The following RAP1B variants were observed in gnomAD, a reference collection of about 807,000 sequenced individuals.
The protein encoded by RAP1B is RAP1B, member of RAS oncogene family.
Under a neutral mutation model 27.5 loss-of-function variants are expected in RAP1B, and 1 was observed. The ratio of observed to expected loss-of-function variants is 0.04; its 90% CI spans 0.01 to 0.17. The LOEUF (loss-of-function observed/expected upper bound fraction) is 0.17. Ranked by LOEUF, RAP1B falls within the 10% of genes least tolerant of loss-of-function variation. RAP1B has a pLI of 1.00. For missense variants in RAP1B, 84 were observed against 214.8 expected, an observed-to-expected ratio of 0.39 and a Z score of 3.81; for synonymous variants, 75 against 73.1, an observed-to-expected ratio of 1.03 and a Z score of -0.13.
intron 4 of RAP1B, among the ~76,000 whole-genome samples, chr12:68,653,008 C>A (rs1429041199): frequency 2.0e-5 from 3 of 152,022 alleles, no homozygotes; most frequent in Admixed American, 6.6e-5. Flanking sequence ...GTCAGGAGTT[C>A]AAGACCAGCC....
chr12:68,613,112 T>C (rs565450318), intron 1 of RAP1B, among the ~76,000 whole-genome samples: 3 of 152,094 alleles, frequency 2.0e-5, no homozygotes, highest in Non-Finnish European at 2.9e-5. Flanking sequence ...CCCAGCACTT[T>C]GGGAGGCCGA....
chr12:68,651,756 G>GGAAAC, intron 3 of RAP1B: 1 of 459,948 alleles, frequency 2.2e-6, no homozygotes, highest in East Asian at 3.2e-5. Context: ...GGTTCGTGTA[G>GGAAAC]GTTTCCCTGT....
chr12:68,653,887 C>T (rs1043505704), intron 4 of RAP1B, among the ~76,000 whole-genome samples: 7 of 151,562 alleles, frequency 4.6e-5, no homozygotes, highest in Non-Finnish European at 8.8e-5. Context: ...GCCGAGGTCG[C>T]GCCACTGCAC....
rs965135118 is a variant in RAP1B at position 68,611,342 on chromosome 12, G to A, written c.-27+299G>A. Among the ~76,000 whole-genome samples the A allele has an allele frequency of 1.4e-3, 202 of 148,760 alleles. 3 individuals carry two copies. Among genetic ancestry groups the A allele is most frequent in the Non-Finnish European group, 3.4e-4 (23 of 66,780 alleles). ...AATATGGCGGAGGAAGTGAGAGCCC[G>A]AGGACCCCCCCACCCGCCCGCTCTC... On this transcript the variant is annotated intron_variant, in intron 1 of 7. Transcript: ENST00000250559.
chr12:68,624,022 G>A (rs61925014), intron 1 of RAP1B, among the ~76,000 whole-genome samples: 8 of 147,298 alleles, frequency 5.4e-5, no homozygotes, highest in Admixed American at 2.0e-4. Context: ...CTCTATCTCA[G>A]GGAAAAAAAA....
chr12:68,637,599 C>CAAAAAAAAAAAA (rs58656248), intron 1 of RAP1B, among the ~76,000 whole-genome samples: 21 of 34,256 alleles, frequency 6.1e-4, no homozygotes, highest in African/African-American at 1.0e-3. Flanking sequence ...AACTCCATCT[C>CAAAAAAAAAAAA]AAAAAAAAAA....
intron 3 of RAP1B, among the ~76,000 whole-genome samples, chr12:68,651,086 C>G (rs1372505979): frequency 6.6e-6 from 1 of 152,156 alleles, no homozygotes; most frequent in East Asian, 1.9e-4. Context: ...TTGACTGTGA[C>G]TGGTCACATG....
intron 1 of RAP1B, among the ~76,000 whole-genome samples, chr12:68,647,748 G>A (rs1873532838): frequency 6.6e-6 from 1 of 152,068 alleles, no homozygotes; most frequent in Non-Finnish European, 1.5e-5. Context: ...TTTGGGATGT[G>A]TCTGTTTAAC....
chr12:68,637,544 C>T (rs1055927729), intron 1 of RAP1B, among the ~76,000 whole-genome samples: 1 of 124,300 alleles, frequency 8.0e-6, no homozygotes, highest in Non-Finnish European at 1.6e-5. Flanking sequence ...TTGCAGTGAG[C>T]TGAGATCACA....
At chr12:68,636,208 G>C (rs1270803319) in intron 1 of RAP1B, among the ~76,000 whole-genome samples, 2 of 152,112 alleles carry the variant, frequency 1.3e-5, no homozygotes, top group Non-Finnish European at 2.9e-5. Context: ...TATTTTAAGG[G>C]ACAGAAATTA....
chr12:68,636,718 C>G (rs1872653709), intron 1 of RAP1B, among the ~76,000 whole-genome samples: 1 of 145,234 alleles, frequency 6.9e-6, no homozygotes, highest in South Asian at 2.5e-4. Context: ...CCATGCCTAT[C>G]CCTGCTGTTT....
intron 1 of RAP1B, among the ~76,000 whole-genome samples, chr12:68,643,856 C>T (rs543091610): frequency 2.0e-4 from 31 of 152,000 alleles, no homozygotes; most frequent in African/African-American, 7.2e-4. Context: ...TATTTATTAA[C>T]AATAGAACTG....
chr12:68,652,498 T>C (rs1873886023), intron 4 of RAP1B, among the ~76,000 whole-genome samples: 1 of 152,112 alleles, frequency 6.6e-6, no homozygotes. Flanking sequence ...TTAAATCTTT[T>C]TGTTGTTGTT....
At chr12:68,614,605 C>T (rs949293603) in intron 1 of RAP1B, among the ~76,000 whole-genome samples, 1 of 148,340 alleles carries the variant, frequency 6.7e-6, no homozygotes, top group African/African-American at 2.4e-5. Flanking sequence ...TTTTCTTCCC[C>T]CTCCTGTCAT....
Position 68,667,793 on chromosome 12 carries a change from G to C in RAP1B, c.*8544G>C, listed in dbSNP as rs1229327750. The C allele has an allele frequency of 6.6e-6, 1 of 152,138 alleles. No homozygotes were observed. Among genetic ancestry groups the C allele is most frequent in the Non-Finnish European group, 1.5e-5 (1 of 68,018 alleles). 9.4% of individuals were successfully genotyped at this position (152,138 alleles called of 1,614,324 possible). ...TGACTTCATGCCTTGGATCATACAG[G>C]ATTTCAACGGGAGATTTATAAGTCT... On this transcript the variant is annotated 3_prime_UTR_variant, in exon 8 of 8. Transcript: ENST00000250559.
chr12:68,642,428 T>C, intron 1 of RAP1B: 1 of 589,764 alleles, frequency 1.7e-6, no homozygotes, highest in South Asian at 2.3e-5. Context: ...CCTAAAATTA[T>C]GGTGCTATTG....
intron 1 of RAP1B, among the ~76,000 whole-genome samples, chr12:68,615,568 G>A (rs572632759): frequency 9.9e-5 from 15 of 151,274 alleles, no homozygotes; most frequent in African/African-American, 3.4e-4. Flanking sequence ...CAACCTGGGC[G>A]ACAGAGTGAG....
chr12:68,630,502 G>A (rs1372433226), intron 1 of RAP1B, among the ~76,000 whole-genome samples: 1 of 152,160 alleles, frequency 6.6e-6, no homozygotes, highest in Admixed American at 6.6e-5. Flanking sequence ...CAAGAAACTG[G>A]TTTTGATTCA....
In RAP1B at chr12:68,648,671, ATTCTT is replaced by A. The variant is rs1453222860; in HGVS notation, c.-26-25_-26-21del. 63 of 1,436,900 alleles carry A rather than the reference ATTCTT, an allele frequency of 4.4e-5. No homozygotes were observed. The East Asian group carries it at 1.4e-3, about 32-fold the overall frequency. The allele number at this position is 1,436,900 out of a possible 1,614,324, so 89.0% of individuals were successfully genotyped here. On this transcript the variant is annotated intron_variant, in intron 1 of 7. Transcript: ENST00000250559. Reference sequence around the variant, plus strand: ...ACAGGAATACACAACTTTACTTAGAATTCTTTTTTTTTTTTTCCTTTAATAAGGTA... The same window carrying A: ...ACAGGAATACACAACTTTACTTAGAATTTTTTTTTTTCCTTTAATAAGGTA...
Sources: gnomAD v4.1 joint callset for allele counts (sites outside exome capture counted in the v4.1 genomes callset) on GRCh38, gnomAD v4.1.1 for gene constraint, MANE v1.5 for transcripts, NCBI Gene and HGNC (gene_info 2026-07-23, HGNC 2026-07-21) for gene names.